Variants in INSYN2A observed in about 807,000 individuals in gnomAD.
INSYN2A encodes the protein inhibitory synaptic factor 2A, also known as family with sequence similarity 196 member A.
A neutral mutation model predicts 39.4 loss-of-function variants in INSYN2A; 17 were observed. The observed-to-expected ratio is 0.43, with a 90% CI of 0.30 to 0.65. The LOEUF (loss-of-function observed/expected upper bound fraction) is 0.65. Among genes scored for constraint, INSYN2A ranks in the 30% least tolerant of loss-of-function variants. The pLI is 0.14. For missense variants in INSYN2A, 595 were observed against 631.2 expected, an observed-to-expected ratio of 0.94 and a Z score of 0.61; for synonymous variants, 255 against 265.7, an observed-to-expected ratio of 0.96 and a Z score of 0.39.
Position 127,176,256 on chromosome 10 carries a change from A to G in INSYN2A, c.140T>C (p.Val47Ala). 6.2e-7 allele frequency: 1 copy of G among 1,613,730 alleles called. No individual in the cohort carries two copies. Among genetic ancestry groups the G allele is most frequent in the Non-Finnish European group, 8.5e-7 (1 of 1,179,948 alleles). Residue 47 changes from valine to alanine, a missense_variant, in exon 4 of 6, where the codon GTG (valine) becomes GCG (alanine). Physicochemically the swap from Val to Ala is moderately conservative, Grantham distance 64. Coordinates refer to ENST00000522781, the MANE Select transcript of INSYN2A (RefSeq NM_001039762.3). The surrounding 1 kb of genome is among the most constrained non-coding windows in gnomAD (Gnocchi z 4.4). ...TGCCTCGCAGATATCCTTAAACCGCACCTGCAGGGCTTTGTTCCGTTTTTT... is the reference window on the plus strand; with the variant it reads ...TGCCTCGCAGATATCCTTAAACCGCGCCTGCAGGGCTTTGTTCCGTTTTTT... Reference protein sequence around the residue: ...QIKKRNKALQVRFKDICEAQN... With the variant: ...QIKKRNKALQARFKDICEAQN...
At chr10:127,158,691 G>C (rs958991201) in intron 4 of INSYN2A, among the ~76,000 whole-genome samples, 3 of 152,160 alleles carry the variant, frequency 2.0e-5, no homozygotes, top group African/African-American at 7.2e-5. Flanking sequence ...ATTGTGAAAA[G>C]TTCTAGTCTT....
chr10:127,157,436 A>G (rs1461590679), intron 4 of INSYN2A, among the ~76,000 whole-genome samples: 1 of 152,278 alleles, frequency 6.6e-6, no homozygotes, highest in Admixed American at 6.5e-5. Context: ...ATGGGAAGCC[A>G]CTATAGTTTT....
intron 4 of INSYN2A, among the ~76,000 whole-genome samples, chr10:127,171,655 G>A (rs2054585397): frequency 1.3e-5 from 2 of 152,150 alleles, no homozygotes; most frequent in Admixed American, 6.5e-5. Flanking sequence ...GTGTTCTCCA[G>A]CTCCTGATTT....
intron 4 of INSYN2A, among the ~76,000 whole-genome samples, chr10:127,167,429 G>A (rs1422431520): frequency 6.6e-6 from 1 of 152,154 alleles, no homozygotes; most frequent in East Asian, 1.9e-4. Context: ...AATTGATGAA[G>A]TGTCAAGAGG....
Position 127,176,215 on chromosome 10 carries a change from C to CCCTCTGCTCATTCTGTG in INSYN2A, c.164_180dup (p.Asp61HisfsTer34). 1 of 1,614,156 alleles carries CCCTCTGCTCATTCTGTG rather than the reference C, an allele frequency of 6.2e-7. No homozygotes were observed. The highest frequency in any genetic ancestry group is 8.5e-7 in the Non-Finnish European group (1 of 1,180,032). The stretch of plus-strand genomic sequence containing the variant: ...AGCTGGCCCGAGGACAGCTGTGTGT[C>CCCTCTGCTCATTCTGTG]CCTCTGCTCATTCTGTGCCTCGCAG... On this transcript the variant is annotated frameshift_variant, in exon 4 of 6. Transcript: ENST00000522781. LOFTEE classifies it high-confidence loss of function. The surrounding 1 kb of genome is among the most constrained non-coding windows in gnomAD (Gnocchi z 4.4).
Position 127,144,736 on chromosome 10 carries a change from C to G in INSYN2A, c.1257-6716G>C, listed in dbSNP as rs1398497546. Among the ~76,000 whole-genome samples the G allele has an allele frequency of 2.0e-5, 3 of 152,136 alleles. No homozygotes were observed. In the East Asian group the frequency reaches 5.8e-4, roughly 29 times the overall value. On this transcript the variant is annotated intron_variant, in intron 5 of 5. Transcript: ENST00000522781. Reference sequence around the variant, plus strand: ...ATATCAGTGGTTTGTAGTTAACTGGCTTTTCAACACTTTAAATATAGAAAT... The same window carrying G: ...ATATCAGTGGTTTGTAGTTAACTGGGTTTTCAACACTTTAAATATAGAAAT...
At chr10:127,138,997 C>T (rs1368091409) in intron 5 of INSYN2A, among the ~76,000 whole-genome samples, 1 of 152,146 alleles carries the variant, frequency 6.6e-6, no homozygotes, top group Non-Finnish European at 1.5e-5. Context: ...TTGAGGAGTT[C>T]TGCTTCCCTT....
chr10:127,190,291 G>C (rs557752218), intron 2 of INSYN2A, among the ~76,000 whole-genome samples: 3 of 152,184 alleles, frequency 2.0e-5, no homozygotes, highest in East Asian at 3.9e-4. Context: ...CGTCAGTACT[G>C]TTCAGCCCTG....
chr10:127,178,348 C>T (rs1287673689), intron 2 of INSYN2A, among the ~76,000 whole-genome samples: 4 of 152,210 alleles, frequency 2.6e-5, no homozygotes, highest in Admixed American at 6.5e-5. Flanking sequence ...TTTCTAAATC[C>T]TGGCACTACT....
intron 5 of INSYN2A, among the ~76,000 whole-genome samples, chr10:127,141,756 T>C (rs1430465393): frequency 1.3e-5 from 2 of 152,100 alleles, no homozygotes; most frequent in Non-Finnish European, 2.9e-5. Flanking sequence ...AAAAATTATG[T>C]TGTGTCCTCC....
At position 127,175,128 on chromosome 10, in the gene INSYN2A, T is replaced by C; in HGVS notation, c.1184+84A>G. The C allele has an allele frequency of 8.2e-7, 1 of 1,212,830 alleles. No homozygotes were observed. The highest frequency in any genetic ancestry group is 1.4e-5 in the South Asian group (1 of 70,120). The allele number at this position is 1,212,830 out of a possible 1,614,324, so 75.1% of individuals were successfully genotyped here. A position where few individuals can be genotyped will look rare whatever the true frequency, so the allele number is the denominator to read the frequency against. On this transcript the variant is annotated intron_variant, in intron 4 of 5. Transcript: ENST00000522781. This position sits in a 1 kb window ranked among gnomAD's most constrained non-coding sequence, Gnocchi z 6.3. ...TACGGAAATGCTGGCTTTAGTCTCA[T>C]TACAGACTTGGGTTTGGGGCTACAG... is the stretch of plus-strand genomic sequence containing the variant.
At chr10:127,154,755 C>A (rs554194267) in intron 4 of INSYN2A, among the ~76,000 whole-genome samples, 6 of 152,120 alleles carry the variant, frequency 3.9e-5, no homozygotes, top group Non-Finnish European at 5.9e-5. Flanking sequence ...TGCTAATTCT[C>A]CCCCCTAATT....
chr10:127,166,107 G>A (rs375976222), intron 4 of INSYN2A, among the ~76,000 whole-genome samples: 3 of 151,938 alleles, frequency 2.0e-5, no homozygotes, highest in Non-Finnish European at 4.4e-5. Context: ...GCTCTGTAGC[G>A]TAGGCTGGAG....
chr10:127,148,658 A>C (rs2052163191), intron 5 of INSYN2A, among the ~76,000 whole-genome samples: 1 of 152,240 alleles, frequency 6.6e-6, no homozygotes, highest in Admixed American at 6.5e-5. Context: ...TAGTCCGACA[A>C]AAGAATTACC....
intron 5 of INSYN2A, chr10:127,146,001 T>C (rs2051801173): frequency 1.9e-6 from 1 of 517,192 alleles, no homozygotes; most frequent in African/African-American, 1.9e-5. Context: ...CACCCTGAAT[T>C]CCCTAGTCAC....
At position 127,136,188 on chromosome 10, in the gene INSYN2A, T is replaced by G. The variant is rs77150314; in HGVS notation, c.*1649A>C. 1.3e-5 allele frequency: 2 copies of G among 151,488 alleles called. No individual in the cohort carries two copies. Among genetic ancestry groups the G allele is most frequent in the Non-Finnish European group, 2.9e-5 (2 of 67,818 alleles). 9.4% of individuals were successfully genotyped at this position (151,488 alleles called of 1,614,324 possible). On this transcript the variant is annotated 3_prime_UTR_variant, in exon 6 of 6. Transcript: ENST00000522781. ...GAATGTTTACACGACATACTCTTCA[T>G]TTTTTTTTCAAGGCCCGATCTGGTT...
chr10:127,181,929 G>A (rs2055775020), intron 2 of INSYN2A, among the ~76,000 whole-genome samples: 1 of 152,084 alleles, frequency 6.6e-6, no homozygotes, highest in South Asian at 2.1e-4. Flanking sequence ...TTCATTATCC[G>A]GTTTAATTTT....
Position 127,175,224 on chromosome 10 carries a change from GCCT to G in INSYN2A, c.1169_1171del (p.Glu390del). 6.2e-7 allele frequency: 1 copy of G among 1,613,084 alleles called. No homozygotes were observed. The highest frequency in any genetic ancestry group is 1.1e-5 in the South Asian group (1 of 90,880). On this transcript the variant is annotated inframe_deletion, in exon 4 of 6. Coordinates refer to ENST00000522781, the MANE Select transcript of INSYN2A (RefSeq NM_001039762.3). The surrounding 1 kb of genome is among the most constrained non-coding windows in gnomAD (Gnocchi z 6.3). ...TGAACATACATACCCTTCCCGATGG[GCCT>G]CTCCTTTTTCCAACTCCTGAATGAC... is the stretch of plus-strand genomic sequence containing the variant.
chr10:127,147,003 C>T (rs2051929243), intron 5 of INSYN2A, among the ~76,000 whole-genome samples: 1 of 152,208 alleles, frequency 6.6e-6, no homozygotes, highest in Non-Finnish European at 1.5e-5. Context: ...ATCTAGAACT[C>T]TTTGCACCCT....
Sources: gnomAD v4.1 joint callset for allele counts (sites outside exome capture counted in the v4.1 genomes callset) on GRCh38, gnomAD v4.1.1 for gene constraint, Gnocchi (gnomAD v3.1) non-coding constraint, MANE v1.5 for transcripts, NCBI Gene and HGNC (gene_info 2026-07-23, HGNC 2026-07-21) for gene names.